The following CNTNAP2 variants were observed in gnomAD, a reference collection of about 807,000 sequenced individuals.
CNTNAP2 encodes the protein contactin associated protein 2, also known as contactin-associated protein-like 2.
Under a neutral mutation model 155.2 loss-of-function variants are expected in CNTNAP2, and 98 were observed. The observed-to-expected ratio is 0.63, with a 90% CI of 0.54 to 0.75. The LOEUF is 0.75. Ranked by LOEUF, CNTNAP2 falls within the 30% of genes least tolerant of loss-of-function variation. The pLI is 0.00. For synonymous variants in CNTNAP2, 651 were observed against 631.2 expected, an observed-to-expected ratio of 1.03 and a Z score of -0.47; for missense variants, 1,727 against 1,688.1, an observed-to-expected ratio of 1.02 and a Z score of -0.40.
intron 1 of CNTNAP2, among the ~76,000 whole-genome samples, chr7:146,368,331 A>G (rs1303351882): frequency 6.6e-6 from 1 of 152,204 alleles, no homozygotes; most frequent in Non-Finnish European, 1.5e-5. Context: ...GTATGCATAT[A>G]AAACAAATAA....
intron 13 of CNTNAP2, among the ~76,000 whole-genome samples, chr7:147,748,119 G>GGTAT (rs1314618957): frequency 6.6e-6 from 1 of 152,184 alleles, no homozygotes; most frequent in Non-Finnish European, 1.5e-5. Context: ...AGTGCATCAA[G>GGTAT]GTATGTGGGA....
intron 3 of CNTNAP2, among the ~76,000 whole-genome samples, chr7:146,874,322 GTTTA>G (rs1795375528): frequency 1.3e-5 from 2 of 152,076 alleles, no homozygotes; most frequent in African/African-American, 4.8e-5. Flanking sequence ...ATTAATTCAT[GTTTA>G]TTTTTTATTT....
At chr7:146,655,413 C>CAAAA (rs66710703) in intron 1 of CNTNAP2, among the ~76,000 whole-genome samples, 374 of 73,400 alleles carry the variant, frequency 5.1e-3, no homozygotes, top group East Asian at 8.9e-3. Flanking sequence ...GACTCTGTCT[C>CAAAA]AAAAAAAAAA....
Position 147,272,678 on chromosome 7 carries a change from T to G in CNTNAP2, c.1349-27463T>G, listed in dbSNP as rs1804782062. Among the ~76,000 whole-genome samples, 6 of 151,262 alleles carry G rather than the reference T, an allele frequency of 4.0e-5. 1 individual carries two copies. The highest frequency in any genetic ancestry group is 8.9e-5 in the Non-Finnish European group (6 of 67,732). On this transcript the variant is annotated intron_variant, in intron 8 of 23. Coordinates refer to ENST00000361727, the MANE Select transcript of CNTNAP2 (RefSeq NM_014141.6). ...ACGCCCGGCTAATTTTTTTTTTTTT[T>G]TTGTATTTGTAGTGGAGATGGGGTT...
chr7:147,848,871 A>G (rs1798866882), intron 13 of CNTNAP2, among the ~76,000 whole-genome samples: 2 of 152,102 alleles, frequency 1.3e-5, no homozygotes, highest in Non-Finnish European at 2.9e-5. Flanking sequence ...GAATAACTGT[A>G]TTGTTGACAG....
chr7:147,604,631 T>C (rs574133970), intron 12 of CNTNAP2, among the ~76,000 whole-genome samples: 1 of 152,316 alleles, frequency 6.6e-6, no homozygotes, highest in Non-Finnish European at 1.5e-5. Flanking sequence ...TTCATTTACC[T>C]CTGTGGAAAC....
chr7:147,734,627 C>A (rs1796806166), intron 13 of CNTNAP2, among the ~76,000 whole-genome samples: 1 of 152,180 alleles, frequency 6.6e-6, no homozygotes, highest in African/African-American at 2.4e-5. Flanking sequence ...TAGAATTTGG[C>A]TGTGAATCTG....
At chr7:147,796,889 C>T (rs907787967) in intron 13 of CNTNAP2, among the ~76,000 whole-genome samples, 10 of 152,086 alleles carry the variant, frequency 6.6e-5, no homozygotes, top group Non-Finnish European at 1.0e-4. Flanking sequence ...TTAAGACCTC[C>T]GTTTTTTTGT....
At chr7:147,123,096 A>T (rs1801154425) in intron 6 of CNTNAP2, among the ~76,000 whole-genome samples, 1 of 152,138 alleles carries the variant, frequency 6.6e-6, no homozygotes, top group African/African-American at 2.4e-5. Flanking sequence ...ATTTAAGATT[A>T]TTGGAAAGTA....
chr7:146,988,496 A>T (rs1415076778), intron 3 of CNTNAP2, among the ~76,000 whole-genome samples: 1 of 152,150 alleles, frequency 6.6e-6, no homozygotes, highest in Non-Finnish European at 1.5e-5. Context: ...TGAAATGCTT[A>T]AACTTTGTAT....
At chr7:147,980,543 T>C (rs149931956) in intron 15 of CNTNAP2, among the ~76,000 whole-genome samples, 2 of 152,258 alleles carry the variant, frequency 1.3e-5, no homozygotes, top group African/African-American at 4.8e-5. Context: ...AATCTCATTG[T>C]TTTCCAGGCA....
chr7:147,251,071 C>T (rs141934158), intron 8 of CNTNAP2, among the ~76,000 whole-genome samples: 331 of 152,216 alleles, frequency 2.2e-3, no homozygotes, highest in African/African-American at 7.7e-3. Flanking sequence ...ACCAGGTGTT[C>T]GGCTAACCAA....
At chr7:147,681,622 A>G (rs1323782197) in intron 13 of CNTNAP2, among the ~76,000 whole-genome samples, 1 of 151,898 alleles carries the variant, frequency 6.6e-6, no homozygotes, top group East Asian at 1.9e-4. Flanking sequence ...AATTCGTGAA[A>G]TTCACCTCCT....
At chr7:147,738,839 C>T (rs918345803) in intron 13 of CNTNAP2, among the ~76,000 whole-genome samples, 13 of 151,746 alleles carry the variant, frequency 8.6e-5, no homozygotes, top group Non-Finnish European at 1.8e-4. Flanking sequence ...ATTTTTAGTA[C>T]AGACAGGGTT....
chr7:147,969,401 C>T (rs183750098), intron 14 of CNTNAP2, among the ~76,000 whole-genome samples: 6 of 152,212 alleles, frequency 3.9e-5, no homozygotes, highest in African/African-American at 1.4e-4. Context: ...ATTTGGAAAA[C>T]TGGTGGCTTT....
intron 3 of CNTNAP2, among the ~76,000 whole-genome samples, chr7:146,845,926 T>C (rs984554699): frequency 1.3e-5 from 2 of 152,160 alleles, no homozygotes; most frequent in Admixed American, 6.5e-5. Flanking sequence ...TAGAAATGAA[T>C]GGATTGTTCT....
At chr7:147,281,705 C>A (rs530738070) in intron 8 of CNTNAP2, among the ~76,000 whole-genome samples, 98 of 151,844 alleles carry the variant, frequency 6.5e-4, no homozygotes, top group South Asian at 2.5e-3. Flanking sequence ...TGAATACATT[C>A]ATATTCATAG....
intron 15 of CNTNAP2, among the ~76,000 whole-genome samples, chr7:148,105,108 A>C (rs1299591070): frequency 1.3e-5 from 2 of 152,234 alleles, no homozygotes; most frequent in African/African-American, 2.4e-5. Context: ...GGAGAGGAAC[A>C]CATGAAAGTA....
intron 3 of CNTNAP2, among the ~76,000 whole-genome samples, chr7:146,999,088 G>A (rs1412983042): frequency 5.9e-5 from 9 of 151,492 alleles, no homozygotes; most frequent in Non-Finnish European, 8.8e-5. Flanking sequence ...TTTCCTTTGT[G>A]ATTAAGTAAT....
Sources: gnomAD v4.1 joint callset for allele counts (sites outside exome capture counted in the v4.1 genomes callset) on GRCh38, gnomAD v4.1.1 for gene constraint, MANE v1.5 for transcripts, NCBI Gene and HGNC (gene_info 2026-07-23, HGNC 2026-07-21) for gene names.